The following SNX18 variants were observed in gnomAD, a reference collection of about 807,000 sequenced individuals.
SNX18 encodes sorting nexin-18.
Under a neutral mutation model 48.7 loss-of-function variants are expected in SNX18, and 35 were observed. The observed-to-expected ratio is 0.72, with a 90% CI of 0.55 to 0.95. The LOEUF is 0.95. Ranked by LOEUF, SNX18 falls within the 40% of genes least tolerant of loss-of-function variation. SNX18 has a pLI of 0.00. For synonymous variants in SNX18, 492 were observed against 384.7 expected (o/e 1.28, Z -3.26); for missense variants, 824 against 871.0 (o/e 0.95, Z 0.68).
At chr5:54,541,650 G>A (rs1414504967) in intron 1 of SNX18, among the ~76,000 whole-genome samples, 1 of 152,146 alleles carries the variant, frequency 6.6e-6, no homozygotes, top group Non-Finnish European at 1.5e-5. Context: ...TGCAGTACAT[G>A]TGTTCTTGTT....
At chr5:54,553,621 T>A in the SNX18 span, among the ~76,000 whole-genome samples, 1 of 152,356 alleles carries the variant, frequency 6.6e-6, no homozygotes, top group East Asian at 1.9e-4. Context: ...ATTTTATTTA[T>A]AGATTCTTGG....
rs767977496 is a variant in SNX18, at chr5:54,543,208, C to A, written c.1651C>A (p.Arg551=). 6.2e-7 allele frequency: 1 copy of A among 1,613,832 alleles called. No homozygotes were observed. The highest frequency in any genetic ancestry group is 8.5e-7 in the Non-Finnish European group (1 of 1,179,962). Residue 551 remains arginine, a synonymous_variant, in exon 2 of 2, where the codon CGA becomes AGA. Coordinates refer to ENST00000381410, the MANE Select transcript of SNX18 (RefSeq NM_001102575.2). ...TCTTACCAAAGTCAAGGAGAGTAGGCGACACGTGGAGGAAGGGAAGATGGA... is the reference window on the plus strand; with the variant it reads ...TCTTACCAAAGTCAAGGAGAGTAGGAGACACGTGGAGGAAGGGAAGATGGA... ...GALTKVKESR[R]HVEEGKMEVQ...
Position 54,543,643 on chromosome 5 carries a change from T to G in SNX18, c.*211T>G. ...AACAGTACCACACATTGTAACTAAATTATACTATGTATGCCTACACTACCA... is the reference window on the plus strand; with the variant it reads ...AACAGTACCACACATTGTAACTAAAGTATACTATGTATGCCTACACTACCA... On this transcript the variant is annotated 3_prime_UTR_variant, in exon 2 of 2. Transcript: ENST00000381410. 3.6e-6 allele frequency: 2 copies of G among 559,278 alleles called. No individual in the cohort carries two copies. The highest frequency in any genetic ancestry group is 4.6e-5 in the South Asian group (2 of 43,790). The allele number at this position is 559,278 out of a possible 1,614,324, so 34.6% of individuals were successfully genotyped here.
chr5:54,594,421 A>G, the SNX18 span, among the ~76,000 whole-genome samples: 1 of 152,198 alleles, frequency 6.6e-6, no homozygotes, highest in Admixed American at 6.5e-5. Flanking sequence ...CTATTCTTAG[A>G]AAGGCCTGCT....
chr5:54,559,716 G>T, the SNX18 span, among the ~76,000 whole-genome samples: 2 of 152,036 alleles, frequency 1.3e-5, no homozygotes, highest in Admixed American at 1.3e-4. Flanking sequence ...TGACAAATGG[G>T]GTCTAATTAA....
Position 54,544,646 on chromosome 5 carries a change from C to G in SNX18, c.*1214C>G, listed in dbSNP as rs1762544553. 1 of 136,756 alleles carries G rather than the reference C, an allele frequency of 7.3e-6. No individual in the cohort carries two copies. Among genetic ancestry groups the G allele is most frequent in the Non-Finnish European group, 1.6e-5 (1 of 64,400 alleles). 8.5% of individuals were successfully genotyped at this position (136,756 alleles called of 1,614,324 possible). ...AAAGGTATTGATGAGCCCCCCCCCCCCAGGACATTTAACCTTAAAATTTAT... is the reference window on the plus strand; with the variant it reads ...AAAGGTATTGATGAGCCCCCCCCCCGCAGGACATTTAACCTTAAAATTTAT... On this transcript the variant is annotated 3_prime_UTR_variant, in exon 2 of 2. Transcript: ENST00000381410.
At chr5:54,645,202 T>C in the SNX18 span, 1 of 152,182 alleles carries the variant, frequency 6.6e-6, no homozygotes, top group Non-Finnish European at 1.5e-5. Context: ...ACAACTAAAA[T>C]GCCCTGAGTT....
At chr5:54,547,219 T>C (rs929057971), downstream of SNX18, among the ~76,000 whole-genome samples, 10 of 152,242 alleles carry the variant, frequency 6.6e-5, 1 homozygote, top group Admixed American at 5.9e-4. Context: ...GGGGAGGCTG[T>C]GAGAAGGAGA....
chr5:54,613,153 G>T, the SNX18 span, among the ~76,000 whole-genome samples: 1 of 152,216 alleles, frequency 6.6e-6, no homozygotes, highest in African/African-American at 2.4e-5. Context: ...TGCCATAATT[G>T]GGAAATACTG....
chr5:54,647,479 G>A, the SNX18 span, among the ~76,000 whole-genome samples: 1 of 152,346 alleles, frequency 6.6e-6, no homozygotes, highest in South Asian at 2.1e-4. Context: ...ATTCTGGAAA[G>A]AGGACTGTGG....
chr5:54,532,307 C>CTT (rs35717409), intron 1 of SNX18, among the ~76,000 whole-genome samples: 21 of 137,004 alleles, frequency 1.5e-4, no homozygotes, highest in East Asian at 4.2e-4. Context: ...TCTATTGTTG[C>CTT]TTTTTTTTTT....
intron 1 of SNX18, among the ~76,000 whole-genome samples, chr5:54,523,837 A>AGGGCACACAAGGTAAGGCTG (rs1430397004): frequency 6.6e-6 from 1 of 152,200 alleles, no homozygotes; most frequent in Non-Finnish European, 1.5e-5. Context: ...GAGTCCCAGC[A>AGGGCACACAAGGTAAGGCTG]GGGCACACAA....
Position 54,539,095 on chromosome 5 carries a change from C to T in SNX18, c.1622-4084C>T, listed in dbSNP as rs553031408. 5.9e-5 allele frequency among the ~76,000 whole-genome samples: 9 copies of T among 152,108 alleles called. No homozygotes were observed. The South Asian group carries it at 1.5e-3, about 25-fold the overall frequency. Reference sequence around the variant, plus strand: ...TTACGCAGGCTGGAGTGCAGTGGTGCGATCATAGCTCATTGCAGCCTGGAA... The same window carrying T: ...TTACGCAGGCTGGAGTGCAGTGGTGTGATCATAGCTCATTGCAGCCTGGAA... On this transcript the variant is annotated intron_variant, in intron 1 of 1. Transcript: ENST00000381410.
At chr5:54,541,128 A>G (rs1762462114) in intron 1 of SNX18, among the ~76,000 whole-genome samples, 1 of 152,022 alleles carries the variant, frequency 6.6e-6, no homozygotes, top group African/African-American at 2.4e-5. Context: ...TCCGGCTTCA[A>G]GCGATTCTCC....
chr5:54,622,036 G>C, the SNX18 span, among the ~76,000 whole-genome samples: 1 of 152,248 alleles, frequency 6.6e-6, no homozygotes. Context: ...GGACGAACCA[G>C]AGCATTCTCA....
At chr5:54,541,027 TTC>T (rs972187040) in intron 1 of SNX18, among the ~76,000 whole-genome samples, 6 of 152,244 alleles carry the variant, frequency 3.9e-5, no homozygotes, top group Non-Finnish European at 5.9e-5. Flanking sequence ...TTTCTTTTTT[TTC>T]TCTCTCTCTT....
chr5:54,610,852 A>T, the SNX18 span, among the ~76,000 whole-genome samples: 1 of 152,216 alleles, frequency 6.6e-6, no homozygotes. Context: ...ACAGTCAGTT[A>T]GTAGCCTGAC....
chr5:54,537,907 C>G (rs963114479), intron 1 of SNX18, among the ~76,000 whole-genome samples: 3 of 152,198 alleles, frequency 2.0e-5, no homozygotes, highest in African/African-American at 7.2e-5. Context: ...TGTTACAGCT[C>G]TGCAGCTGGT....
At chr5:54,573,109 C>T in the SNX18 span, among the ~76,000 whole-genome samples, 1 of 151,932 alleles carries the variant, frequency 6.6e-6, no homozygotes. Context: ...AAAGGCATTC[C>T]AAATTTCACT....
Sources: allele counts gnomAD v4.1 joint callset (sites outside exome capture counted in the v4.1 genomes callset), GRCh38; gene constraint gnomAD v4.1.1; transcripts MANE v1.5; gene names NCBI Gene and HGNC (gene_info 2026-07-23, HGNC 2026-07-21).